Variants in TMEM108 observed in about 807,000 individuals in gnomAD.
TMEM108 encodes cancer/testis antigen 124.
In TMEM108, 12 loss-of-function variants were observed where a neutral mutation model predicts 35.1. The observed-to-expected ratio is 0.34, with a 90% CI of 0.22 to 0.55. TMEM108 has a LOEUF of 0.55. Among genes scored for constraint, TMEM108 ranks in the 20% least tolerant of loss-of-function variants. The probability of loss-of-function intolerance (pLI) is 0.89; values close to 1 mark genes in which losing one functional copy is unlikely to be tolerated. For missense variants in TMEM108, 680 were observed against 753.3 expected (o/e 0.90, Z 1.14); for synonymous variants, 287 against 308.6 (o/e 0.93, Z 0.73).
rs751615580 is a variant in TMEM108 at position 133,395,899 on chromosome 3, C to T, written c.1641C>T (p.Gly547=). 27 of 1,596,944 alleles carry T rather than the reference C, an allele frequency of 1.7e-5. No individual in the cohort carries two copies. The highest frequency in any genetic ancestry group is 4.6e-5 in the East Asian group (2 of 43,434). The part of the protein sequence containing the change: ...QLSEPRSPAN[G]DYRDTGMVLV... Reference sequence around the variant, plus strand: ...CAGAGCCCCGCTCCCCAGCCAATGGCGACTATAGAGACACTGGGATGGTCC... The same window carrying T: ...CAGAGCCCCGCTCCCCAGCCAATGGTGACTATAGAGACACTGGGATGGTCC... The change falls in exon 6 of 6, where the codon GGC becomes GGT. Residue 547 remains glycine, a synonymous_variant. Coordinates refer to ENST00000321871, the MANE Select transcript of TMEM108 (RefSeq NM_023943.4).
Position 133,300,316 on chromosome 3 carries a change from C to T in TMEM108, c.40+70965C>T, listed in dbSNP as rs551462204. Among the ~76,000 whole-genome samples, 33 of 152,182 alleles carry T rather than the reference C, an allele frequency of 2.2e-4. No individual in the cohort carries two copies. The East Asian group carries it at 6.0e-3, about 28-fold the overall frequency. Reference sequence around the variant, plus strand: ...TGTTGCCTGGCAACCTACAGCCAGTCCTGCAGCAAGAGTCCCAGACAAAGA... The same window carrying T: ...TGTTGCCTGGCAACCTACAGCCAGTTCTGCAGCAAGAGTCCCAGACAAAGA... On this transcript the variant is annotated intron_variant, in intron 3 of 5. Coordinates refer to ENST00000321871, the MANE Select transcript of TMEM108 (RefSeq NM_023943.4).
rs199569964 is a variant in TMEM108, at chr3:133,092,486, ATT to A, written c.-47+46473_-47+46474del. On this transcript the variant is annotated intron_variant, in intron 2 of 5. Coordinates refer to ENST00000321871, the MANE Select transcript of TMEM108 (RefSeq NM_023943.4). ...AATAACTCACTTTTAGACTTTTAGA[ATT>A]TTTTTTATTCCTTGTAACTTTACAG... Among the ~76,000 whole-genome samples the A allele has an allele frequency of 9.7e-4, 147 of 152,156 alleles. 2 individuals carry two copies. In the East Asian group the frequency reaches 0.019, roughly 20 times the overall value.
chr3:133,342,555 T>TATATATATATATATATATATACAC (rs60991711), intron 3 of TMEM108, among the ~76,000 whole-genome samples: 4 of 63,454 alleles, frequency 6.3e-5, no homozygotes, highest in Non-Finnish European at 1.1e-4. Flanking sequence ...TATATATATA[T>TATATATATATATATATATATACAC]ACACACACAC....
intron 3 of TMEM108, among the ~76,000 whole-genome samples, chr3:133,252,979 A>G (rs765584878): frequency 6.6e-6 from 1 of 152,228 alleles, no homozygotes; most frequent in Non-Finnish European, 1.5e-5. Context: ...AATCCCTTCT[A>G]GGTACAGAAG....
intron 2 of TMEM108, among the ~76,000 whole-genome samples, chr3:133,100,844 A>G (rs902390499): frequency 3.3e-5 from 5 of 152,226 alleles, no homozygotes; most frequent in East Asian, 1.9e-4. Context: ...GTAACCCTAC[A>G]TTGTAGAGAT....
chr3:133,388,304 T>G, intron 4 of TMEM108: 1 of 983,710 alleles, frequency 1.0e-6, no homozygotes, highest in African/African-American at 1.7e-5. Flanking sequence ...GGACCCGGGA[T>G]CTTGTCCCAG....
intron 4 of TMEM108, among the ~76,000 whole-genome samples, chr3:133,382,898 G>A (rs1240973189): frequency 6.6e-6 from 1 of 152,202 alleles, no homozygotes; most frequent in Non-Finnish European, 1.5e-5. Flanking sequence ...AACTTTCCAT[G>A]TCAGGGCTGG....
At chr3:133,267,024 G>A (rs1218752832) in intron 3 of TMEM108, among the ~76,000 whole-genome samples, 1 of 147,098 alleles carries the variant, frequency 6.8e-6, no homozygotes, top group Admixed American at 7.0e-5. Context: ...AGTTTGCAGT[G>A]AAGTCGAGAT....
rs187871779 is a variant in TMEM108, at chr3:133,266,988, G to A, written c.40+37637G>A. Reference sequence around the variant, plus strand: ...CCAGCTACTCGGGAGGCTGAGGCAGGAGAATGGCGTGAACCCAGGAGGCGG... The same window carrying A: ...CCAGCTACTCGGGAGGCTGAGGCAGAAGAATGGCGTGAACCCAGGAGGCGG... On this transcript the variant is annotated intron_variant, in intron 3 of 5. Coordinates refer to ENST00000321871, the MANE Select transcript of TMEM108 (RefSeq NM_023943.4). Among the ~76,000 whole-genome samples, 344 of 151,038 alleles carry A rather than the reference G, an allele frequency of 2.3e-3. 2 individuals are homozygous for A. Among genetic ancestry groups the A allele is most frequent in the African/African-American group, 7.7e-3 (315 of 41,068 alleles).
intron 2 of TMEM108, among the ~76,000 whole-genome samples, chr3:133,104,598 T>C (rs1193238599): frequency 6.6e-6 from 1 of 152,226 alleles, no homozygotes; most frequent in Non-Finnish European, 1.5e-5. Flanking sequence ...AGGGCTCCTA[T>C]TGGTCTTTGG....
At chr3:133,153,004 C>G (rs1944824385) in intron 2 of TMEM108, among the ~76,000 whole-genome samples, 1 of 152,054 alleles carries the variant, frequency 6.6e-6, no homozygotes, top group African/African-American at 2.4e-5. Flanking sequence ...ATTTAACAGT[C>G]ATGAGGGTTG....
At chr3:133,052,872 G>A (rs1226993381) in intron 2 of TMEM108, among the ~76,000 whole-genome samples, 1 of 152,080 alleles carries the variant, frequency 6.6e-6, no homozygotes, top group Non-Finnish European at 1.5e-5. Context: ...CAATCAAGAT[G>A]TCCCCCTACA....
chr3:133,310,671 C>T (rs940030601), intron 3 of TMEM108, among the ~76,000 whole-genome samples: 6 of 150,522 alleles, frequency 4.0e-5, no homozygotes, highest in Non-Finnish European at 7.4e-5. Flanking sequence ...GTCTTGACTC[C>T]GTCCAATTTG....
chr3:133,071,698 T>G (rs1360463570), intron 2 of TMEM108, among the ~76,000 whole-genome samples: 3 of 152,224 alleles, frequency 2.0e-5, no homozygotes, highest in Admixed American at 2.0e-4. Context: ...TGACTTTTTT[T>G]GTTGAGTTGT....
At chr3:133,258,282 A>G (rs1169699578) in intron 3 of TMEM108, among the ~76,000 whole-genome samples, 4 of 152,160 alleles carry the variant, frequency 2.6e-5, no homozygotes, top group African/African-American at 9.7e-5. Context: ...TGGGCTTCTC[A>G]GCTTCCAAAA....
intron 2 of TMEM108, among the ~76,000 whole-genome samples, chr3:133,217,259 T>A (rs920667730): frequency 6.6e-6 from 1 of 152,104 alleles, no homozygotes; most frequent in East Asian, 1.9e-4. Context: ...TTCAGTTTTT[T>A]TGCTCATTTT....
chr3:133,301,764 C>G (rs1672834896), intron 3 of TMEM108, among the ~76,000 whole-genome samples: 1 of 152,168 alleles, frequency 6.6e-6, no homozygotes, highest in African/African-American at 2.4e-5. Context: ...AATTTCATCC[C>G]ATATTCCTAA....
chr3:133,229,773 T>C (rs1946125474), intron 3 of TMEM108, among the ~76,000 whole-genome samples: 1 of 152,254 alleles, frequency 6.6e-6, no homozygotes, highest in Non-Finnish European at 1.5e-5. Flanking sequence ...ATTTTCTGTA[T>C]TTTAACACAT....
At position 133,380,751 on chromosome 3, in the gene TMEM108, C is replaced by A; in HGVS notation, c.1040C>A (p.Ser347Tyr). The part of the protein sequence containing the change: ...TVTPGTSRPL[S>Y]TSSGVFTAAT... Reference sequence around the variant, plus strand: ...ACCCCTGGCACCAGCAGACCTCTGTCTACCAGCTCTGGGGTCTTCACGGCT... The same window carrying A: ...ACCCCTGGCACCAGCAGACCTCTGTATACCAGCTCTGGGGTCTTCACGGCT... The change falls in exon 4 of 6, where the codon TCT (serine) becomes TAT (tyrosine). Residue 347 changes from serine (S) to tyrosine (Y), a missense_variant. Physicochemically the swap from Ser to Tyr is moderately radical, Grantham distance 144 (BLOSUM62 -2). This residue lies in a region of TMEM108 where 526 missense variants were observed against 532.1 expected (regional missense o/e 0.99). Transcript: ENST00000321871. The surrounding 1 kb of genome is among the most constrained non-coding windows in gnomAD (Gnocchi z 5.3). 4 of 1,614,170 alleles carry A rather than the reference C, an allele frequency of 2.5e-6. No homozygotes were observed. The highest frequency in any genetic ancestry group is 3.4e-6 in the Non-Finnish European group (4 of 1,180,024).
Sources: allele counts gnomAD v4.1 joint callset (sites outside exome capture counted in the v4.1 genomes callset), GRCh38; gene constraint gnomAD v4.1.1; regional missense constraint gnomAD v4.1.1; non-coding constraint Gnocchi (gnomAD v3.1); transcripts MANE v1.5; gene names NCBI Gene and HGNC (gene_info 2026-07-23, HGNC 2026-07-21).